ADAMTS14: variants seen among roughly 807,000 people sequenced by gnomAD.
The protein encoded by ADAMTS14 is A disintegrin and metalloproteinase with thrombospondin motifs 14.
Under a neutral mutation model 128.6 loss-of-function variants are expected in ADAMTS14, and 100 were observed. The ratio of observed to expected loss-of-function variants is 0.78; its 90% CI spans 0.66 to 0.92. ADAMTS14 has a LOEUF of 0.92. ADAMTS14 is among the 40% of genes least tolerant of loss of function. The probability of loss-of-function intolerance (pLI) is 0.00; values close to 1 mark genes in which losing one functional copy is unlikely to be tolerated. For missense variants in ADAMTS14, 1,562 were observed against 1,658.6 expected (o/e 0.94, Z 1.01); for synonymous variants, 665 against 653.8 (o/e 1.02, Z -0.26).
In ADAMTS14 at chr10:70,674,941, A is replaced by T; in HGVS notation, c.468A>T (p.Gly156=). The T allele has an allele frequency of 6.2e-7, 1 of 1,613,154 alleles. No homozygotes were observed. Among genetic ancestry groups the T allele is most frequent in the Non-Finnish European group, 8.5e-7 (1 of 1,180,024 alleles). ...TACGGCAGGAGTGTGTGTACACTGG[A>T]GGTGTCACTGGAATGCCTGGGGCAG... is the stretch of plus-strand genomic sequence containing the variant. The part of the protein sequence containing the change: ...QPLRQECVYT[G]GVTGMPGAAV... Residue 156 remains glycine, a synonymous_variant, in exon 2 of 22, where the codon GGA becomes GGT. Transcript: ENST00000373207.
chr10:70,747,437 G>A (rs1327906062), intron 15 of ADAMTS14, among the ~76,000 whole-genome samples: 1 of 152,026 alleles, frequency 6.6e-6, no homozygotes, highest in Non-Finnish European at 1.5e-5. Context: ...CCTGCCTGCT[G>A]TGCCTGCCTG....
intron 2 of ADAMTS14, among the ~76,000 whole-genome samples, chr10:70,681,462 C>T (rs1487347806): frequency 6.6e-6 from 1 of 152,212 alleles, no homozygotes; most frequent in Admixed American, 6.5e-5. Flanking sequence ...ATGTCAACCT[C>T]ACCATGGAGC....
Position 70,753,831 on chromosome 10 carries a change from C to A in ADAMTS14, c.2761C>A (p.Arg921=). 1 of 1,590,038 alleles carries A rather than the reference C, an allele frequency of 6.3e-7. No individual in the cohort carries two copies. Among genetic ancestry groups the A allele is most frequent in the Non-Finnish European group, 8.6e-7 (1 of 1,169,190 alleles). ...GACGGAGGAGTGGGGTGCCTGCAGC[C>A]GGAGCTGTGGGAAGCTGGGGGTGCA... ...WVTEEWGACS[R]SCGKLGVQTR... Residue 921 remains arginine, a synonymous_variant, in exon 19 of 22, where the codon CGG becomes AGG. Coordinates refer to ENST00000373207, the MANE Select transcript of ADAMTS14 (RefSeq NM_080722.4).
At chr10:70,727,421 A>T (rs1156767969) in intron 4 of ADAMTS14, among the ~76,000 whole-genome samples, 1 of 152,198 alleles carries the variant, frequency 6.6e-6, no homozygotes, top group East Asian at 1.9e-4. Context: ...GCATGGGGAG[A>T]TGGAAGTAGT....
intron 11 of ADAMTS14, among the ~76,000 whole-genome samples, chr10:70,739,788 A>G (rs971554781): frequency 6.6e-5 from 10 of 152,220 alleles, no homozygotes; most frequent in Admixed American, 6.5e-4. Context: ...GTGGTCATTC[A>G]TACTGTTATT....
intron 13 of ADAMTS14, 98 bp from the exon 14 acceptor site, chr10:70,743,968 G>A (rs1842089454): frequency 1.2e-5 from 18 of 1,456,574 alleles, no homozygotes; most frequent in Non-Finnish European, 1.7e-5. Flanking sequence ...CAGGCCAGAG[G>A]TCTTCTCCTG....
At chr10:70,751,712 G>A in intron 17 of ADAMTS14, 66 bp downstream of exon 17, 2 of 1,562,168 alleles carry the variant, frequency 1.3e-6, no homozygotes, top group Non-Finnish European at 8.8e-7. Context: ...AGGCAGGGGT[G>A]GGGGACTGAT....
Position 70,708,726 on chromosome 10 carries a change from G to T in ADAMTS14, c.818G>T (p.Arg273Leu). The T allele has an allele frequency of 6.2e-7, 1 of 1,612,884 alleles. No homozygotes were observed. Among genetic ancestry groups the T allele is most frequent in the Non-Finnish European group, 8.5e-7 (1 of 1,179,596 alleles). The change falls in exon 4 of 22, where the codon CGC becomes CTC. Residue 273 changes from arginine to leucine, a missense_variant. Physicochemically the swap from Arg to Leu is moderately radical, Grantham distance 102. Transcript: ENST00000373207. The part of the protein sequence containing the change: ...VLLVVDDSVV[R>L]FHGKEHVQNY... ...CTGGTGGTGGACGACTCGGTGGTTC[G>T]CTTCCATGGCAAGGAGCATGTGCAG...
intron 2 of ADAMTS14, among the ~76,000 whole-genome samples, chr10:70,675,614 T>C (rs1839622926): frequency 1.3e-5 from 2 of 152,214 alleles, no homozygotes; most frequent in South Asian, 4.1e-4. Context: ...TCCTGGCTGC[T>C]CTGTGTGTCC....
intron 7 of ADAMTS14, among the ~76,000 whole-genome samples, 172 bp from the exon 8 acceptor site, chr10:70,733,713 C>T (rs1217925277): frequency 6.6e-6 from 1 of 152,186 alleles, no homozygotes. Flanking sequence ...TGGGAGCAGC[C>T]TTGGAGAGAA....
chr10:70,729,435 G>T lies in ADAMTS14; in HGVS notation c.954+58G>T. 2 of 1,422,192 alleles carry T rather than the reference G, an allele frequency of 1.4e-6. 1 individual carries two copies. Among genetic ancestry groups the T allele is most frequent in the Admixed American group, 3.4e-5 (2 of 59,616 alleles). 88.1% of individuals were successfully genotyped at this position (1,422,192 alleles called of 1,614,324 possible). ...GGGAGAAGGGTTGTGGGGCCAGAGT[G>T]TTGGACCAGCAATGGTGTGGGCTGC... is the stretch of plus-strand genomic sequence containing the variant. On this transcript the variant is annotated intron_variant, in intron 5 of 21. Coordinates refer to ENST00000373207, the MANE Select transcript of ADAMTS14 (RefSeq NM_080722.4).
intron 4 of ADAMTS14, among the ~76,000 whole-genome samples, chr10:70,723,580 G>A (rs1390745422): frequency 2.6e-5 from 4 of 152,152 alleles, no homozygotes; most frequent in African/African-American, 2.4e-5. Context: ...CATTCGCCGC[G>A]AGGATTCAGT....
At chr10:70,748,515 C>T (rs951473166) in intron 15 of ADAMTS14, among the ~76,000 whole-genome samples, 4 of 152,134 alleles carry the variant, frequency 2.6e-5, no homozygotes, top group African/African-American at 9.7e-5. Context: ...CTTCTTTTTC[C>T]ACCCCTCTTC....
At chr10:70,735,424 A>C in intron 9 of ADAMTS14, 123 bp downstream of exon 9, 1 of 1,371,868 alleles carries the variant, frequency 7.3e-7, no homozygotes, top group Non-Finnish European at 9.8e-7. Context: ...TGATGGGCCC[A>C]CAGACACAGT....
At position 70,693,629 on chromosome 10, in the gene ADAMTS14, A is replaced by G. The variant is rs183831881; in HGVS notation, c.523-8683A>G. Among the ~76,000 whole-genome samples, 8 of 152,370 alleles carry G rather than the reference A, an allele frequency of 5.3e-5. No homozygotes were observed. In the East Asian group the frequency reaches 7.7e-4, roughly 15 times the overall value. On this transcript the variant is annotated intron_variant, in intron 2 of 21. Transcript: ENST00000373207. ...TACATGATCTGAGAGTGGTGGAGCC[A>G]GCATTTGAACTCAGGAACTCTCTGG...
intron 1 of ADAMTS14, among the ~76,000 whole-genome samples, chr10:70,673,410 C>T (rs913228673): frequency 6.6e-6 from 1 of 152,098 alleles, no homozygotes; most frequent in African/African-American, 2.4e-5. Context: ...GTAGCACTGT[C>T]AAACGCTGTG....
At chr10:70,720,316 C>A (rs79333865) in intron 4 of ADAMTS14, among the ~76,000 whole-genome samples, 1 of 152,136 alleles carries the variant, frequency 6.6e-6, no homozygotes, top group Non-Finnish European at 1.5e-5. Flanking sequence ...AGAAAGAAGT[C>A]GGGAGACTCA....
At chr10:70,682,433 TG>T (rs982728104) in intron 2 of ADAMTS14, among the ~76,000 whole-genome samples, 1 of 152,184 alleles carries the variant, frequency 6.6e-6, no homozygotes, top group Non-Finnish European at 1.5e-5. Context: ...CAGCATGTGC[TG>T]GGGGGTGAGT....
At chr10:70,708,040 AG>A (rs963281670) in intron 3 of ADAMTS14, among the ~76,000 whole-genome samples, 3 of 152,246 alleles carry the variant, frequency 2.0e-5, no homozygotes, top group Non-Finnish European at 4.4e-5. Context: ...TTTAGCCAAA[AG>A]GGCAGAGCAG....
Sources: gnomAD v4.1 joint callset for allele counts (sites outside exome capture counted in the v4.1 genomes callset) on GRCh38, gnomAD v4.1.1 for gene constraint, MANE v1.5 for transcripts, NCBI Gene and HGNC (gene_info 2026-07-23, HGNC 2026-07-21) for gene names.